Variants in SEC24A observed in about 807,000 individuals in gnomAD.
SEC24A encodes protein transport protein Sec24A.
SEC24A carries 93 observed loss-of-function variants against 129.4 expected under a neutral mutation model. The observed-to-expected ratio is 0.72, with a 90% confidence interval of 0.61 to 0.85. The LOEUF is 0.85. SEC24A is among the 40% of genes least tolerant of loss of function. The pLI is 0.00. For synonymous variants in SEC24A, 460 were observed against 467.3 expected (o/e 0.98, Z 0.20); for missense variants, 1,264 against 1,307.4 (o/e 0.97, Z 0.51).
rs1045954183 is a variant in SEC24A, at chr5:134,726,849, G to A, written c.*1755G>A. ...CTTAGTAGTAAAGAATCTTCTAGAG[G>A]GAAACATTTGTGCTTTTAGGGATAA... On this transcript the variant is annotated 3_prime_UTR_variant, in exon 23 of 23. Coordinates refer to ENST00000398844, the MANE Select transcript of SEC24A (RefSeq NM_021982.3). 6 of 152,052 alleles carry A rather than the reference G, an allele frequency of 3.9e-5. No homozygotes were observed. The highest frequency in any genetic ancestry group is 7.4e-5 in the Non-Finnish European group (5 of 67,986). The allele number at this position is 152,052 out of a possible 1,614,324, so 9.4% of individuals were successfully genotyped here.
chr5:134,724,817 A>G (rs529772407), intron 22 of SEC24A, among the ~76,000 whole-genome samples, 163 bp from the exon 23 acceptor site: 1 of 152,322 alleles, frequency 6.6e-6, no homozygotes, highest in East Asian at 1.9e-4. Flanking sequence ...TCCCTTAAAC[A>G]ACTTGAAATT....
intron 18 of SEC24A, among the ~76,000 whole-genome samples, chr5:134,712,493 G>A (rs1167088773): frequency 2.0e-5 from 3 of 151,910 alleles, no homozygotes; most frequent in Admixed American, 1.3e-4. Context: ...CTTGTGATCC[G>A]TCCTCCATGG....
intron 9 of SEC24A, among the ~76,000 whole-genome samples, chr5:134,684,462 C>T (rs1398641840): frequency 2.6e-5 from 4 of 152,168 alleles, no homozygotes; most frequent in African/African-American, 7.2e-5. Flanking sequence ...CCCGTAATCC[C>T]AGCAATTTGG....
rs748792808 is a variant in SEC24A, at chr5:134,661,379, C to T, written c.358C>T (p.Pro120Ser). ...TGCTTCTCAGAACCCAGCTACTACA[C>T]CAATGCCTTCTAGTAGCTTTCTTCC... ...LPASQNPATT[P>S]MPSSSFLPEA... The change falls in exon 2 of 23, where the codon CCA becomes TCA. Residue 120 changes from proline (P) to serine (S), a missense_variant. Transcript: ENST00000398844. 1.1e-5 allele frequency: 17 copies of T among 1,614,068 alleles called. No homozygotes were observed. The Admixed American group carries it at 2.7e-4, about 25-fold the overall frequency.
chr5:134,717,720 A>C (rs769092578), intron 19 of SEC24A, among the ~76,000 whole-genome samples: 18 of 152,190 alleles, frequency 1.2e-4, no homozygotes, highest in Non-Finnish European at 2.1e-4. Flanking sequence ...GTTCGTGACC[A>C]GCCTGACCAA....
At chr5:134,721,701 A>G (rs1172114912) in intron 21 of SEC24A, among the ~76,000 whole-genome samples, 1 of 152,044 alleles carries the variant, frequency 6.6e-6, no homozygotes, top group African/African-American at 2.4e-5. Flanking sequence ...GTGAGACCCC[A>G]TAACTACAGA....
chr5:134,692,036 A>G (rs913660540), intron 11 of SEC24A, among the ~76,000 whole-genome samples: 1 of 149,606 alleles, frequency 6.7e-6, no homozygotes, highest in Non-Finnish European at 1.5e-5. Context: ...GTACAGATCA[A>G]TATTTTATTT....
At chr5:134,673,523 G>T (rs1244809626) in intron 4 of SEC24A, among the ~76,000 whole-genome samples, 1 of 151,842 alleles carries the variant, frequency 6.6e-6, no homozygotes, top group East Asian at 1.9e-4. Context: ...AGTGCAGTGG[G>T]CACAATCTCG....
chr5:134,653,040 C>T (rs558147526), intron 1 of SEC24A, among the ~76,000 whole-genome samples: 1 of 151,356 alleles, frequency 6.6e-6, no homozygotes, highest in Non-Finnish European at 1.5e-5. Flanking sequence ...CTCCTGACCT[C>T]GTGATCTGCC....
chr5:134,718,162 G>T lies in SEC24A; in HGVS notation c.2959G>T (p.Asp987Tyr). The T allele has an allele frequency of 1.2e-6, 2 of 1,612,782 alleles. No individual in the cohort carries two copies. Among genetic ancestry groups the T allele is most frequent in the Non-Finnish European group, 1.7e-6 (2 of 1,178,788 alleles). The change falls in exon 20 of 23, where the codon GAT becomes TAT. Residue 987 changes from aspartate (D) to tyrosine (Y), a missense_variant. Transcript: ENST00000398844. ...GAGCAGAGATGGAGCTTTCCTCATG[G>T]ATGCAGGCTCTGTAAGTAATTTGAC... ...KLSRDGAFLM[D>Y]AGSVLMLWVG... is the part of the protein sequence containing the mutation.
chr5:134,669,557 A>G (rs577145329), intron 3 of SEC24A, among the ~76,000 whole-genome samples: 2 of 144,096 alleles, frequency 1.4e-5, no homozygotes, highest in South Asian at 2.2e-4. Context: ...GCTCACTGCA[A>G]CCTCCGCTCC....
At chr5:134,705,497 A>G (rs1025036202) in intron 17 of SEC24A, 60 bp downstream of exon 17, 91 of 1,120,304 alleles carry the variant, frequency 8.1e-5, no homozygotes, top group Non-Finnish European at 1.1e-4. Flanking sequence ...ACATCCAAAC[A>G]GTTTTGTTTT....
At chr5:134,700,677 A>G (rs1038476689) in intron 15 of SEC24A, among the ~76,000 whole-genome samples, 1 of 151,074 alleles carries the variant, frequency 6.6e-6, no homozygotes, top group Non-Finnish European at 1.5e-5. Context: ...CTATAATTAG[A>G]ATTTATTAAT....
chr5:134,713,153 G>A (rs1232390871), intron 18 of SEC24A, among the ~76,000 whole-genome samples: 1 of 151,546 alleles, frequency 6.6e-6, no homozygotes, highest in South Asian at 2.1e-4. Context: ...GGATGGTCTC[G>A]ATCTCCTGAC....
intron 15 of SEC24A, among the ~76,000 whole-genome samples, chr5:134,700,813 G>A (rs923414411): frequency 2.6e-4 from 40 of 151,630 alleles, no homozygotes; most frequent in African/African-American, 9.5e-4. Flanking sequence ...CCGCCTCCTG[G>A]GTTCACGCCA....
intron 3 of SEC24A, among the ~76,000 whole-genome samples, chr5:134,669,170 A>T (rs893389245): frequency 7.2e-5 from 11 of 151,828 alleles, no homozygotes; most frequent in African/African-American, 2.7e-4. Flanking sequence ...AAGAAAAAAA[A>T]ATTTTTTTTT....
chr5:134,648,870 C>A lies in SEC24A; in HGVS notation c.-207C>A. 2.3e-6 allele frequency: 1 copy of A among 425,534 alleles called. No homozygotes were observed. The highest frequency in any genetic ancestry group is 4.3e-6 in the Non-Finnish European group (1 of 230,340). The allele number at this position is 425,534 out of a possible 1,614,324, so 26.4% of individuals were successfully genotyped here. ...TTCGCGGCCCCGCCGGCCCGACTCT[C>A]AAGCCTCAGCTCCCAGGCTAGGCTG... On this transcript the variant is annotated 5_prime_UTR_variant, in exon 1 of 23. Coordinates refer to ENST00000398844, the MANE Select transcript of SEC24A (RefSeq NM_021982.3).
intron 18 of SEC24A, 74 bp from the exon 19 acceptor site, chr5:134,714,950 A>C: frequency 7.2e-7 from 1 of 1,386,096 alleles, no homozygotes; most frequent in African/African-American, 1.5e-5. Context: ...TCTTTTAACA[A>C]CTGGCATTTT....
intron 13 of SEC24A, among the ~76,000 whole-genome samples, chr5:134,695,944 C>CA (rs34026685): frequency 0.13 from 8,504 of 67,430 alleles, 410 homozygotes; most frequent in Non-Finnish European, 0.19. Flanking sequence ...GACTCTGTCT[C>CA]AAAAAAAAAA....
Sources: allele counts gnomAD v4.1 joint callset (sites outside exome capture counted in the v4.1 genomes callset), GRCh38; gene constraint gnomAD v4.1.1; transcripts MANE v1.5; gene names NCBI Gene and HGNC (gene_info 2026-07-23, HGNC 2026-07-21).